Variants in POTEH observed in about 807,000 individuals in gnomAD.
POTEH encodes the protein POTE ankyrin domain family member H.
POTEH carries 6 observed loss-of-function variants against 41.7 expected under a neutral mutation model. The ratio of observed to expected loss-of-function variants is 0.14; its 90% CI spans 0.08 to 0.28. POTEH has a LOEUF of 0.28. Ranked by LOEUF, POTEH falls within the 10% of genes least tolerant of loss-of-function variation. The probability of loss-of-function intolerance (pLI) is 1.00; values close to 1 mark genes in which losing one functional copy is unlikely to be tolerated. For synonymous variants in POTEH, 38 were observed against 179.9 expected, an observed-to-expected ratio of 0.21 and a Z score of 6.31; for missense variants, 115 against 533.5, an observed-to-expected ratio of 0.22 and a Z score of 7.73.
chr22:15,709,066 ACCT>A (rs1419362906), intron 7 of POTEH, among the ~76,000 whole-genome samples: 174 of 149,734 alleles, frequency 1.2e-3, no homozygotes, highest in African/African-American at 4.2e-3. Context: ...GCAGAATGGG[ACCT>A]TTGGTGTTAG....
At chr22:15,695,900 A>T (rs535528740) in intron 3 of POTEH, 82 bp downstream of exon 3, 1 of 18,144 alleles carries the variant, frequency 5.5e-5, no homozygotes, top group African/African-American at 2.1e-4. Flanking sequence ...AGTTTTCCAT[A>T]TTTGGAAGCT....
chr22:15,720,861 GGT>G (rs1990007136), intron 10 of POTEH, among the ~76,000 whole-genome samples: 1 of 67,862 alleles, frequency 1.5e-5, no homozygotes, highest in Non-Finnish European at 2.8e-5. Context: ...CTCTTAGGAT[GGT>G]GTGGTTGATA....
At position 15,690,037 on chromosome 22, in the gene POTEH, T is replaced by C. The variant is rs1369819355; in HGVS notation, c.-41T>C. 7.2e-6 allele frequency: 10 copies of C among 1,396,704 alleles called. 3 individuals carry two copies. Among genetic ancestry groups the C allele is most frequent in the Non-Finnish European group, 9.9e-6 (10 of 1,007,432 alleles). 86.5% of individuals were successfully genotyped at this position (1,396,704 alleles called of 1,614,324 possible). ...TGGTGAAACTGGTTGGTAGACGCGA[T>C]CTGCTGGCTACTACCGGCCTTCCCT... On this transcript the variant is annotated 5_prime_UTR_variant, in exon 1 of 11. Transcript: ENST00000343518.
In POTEH at chr22:15,717,257, T is replaced by C. The variant is rs1296669158; in HGVS notation, c.1521-2403T>C. On this transcript the variant is annotated intron_variant, in intron 9 of 10. Coordinates refer to ENST00000343518, the MANE Select transcript of POTEH (RefSeq NM_001136213.1). ...ATTGTGAATTGTGCTGCAGTAAACA[T>C]ATGTGTGCGGGTGTCTTTGTGAGAG... Among the ~76,000 whole-genome samples, 2 of 91,974 alleles carry C rather than the reference T, an allele frequency of 2.2e-5. 1 individual carries two copies. Among genetic ancestry groups the C allele is most frequent in the African/African-American group, 6.7e-5 (2 of 29,656 alleles). The allele number at this position is 91,974 out of a possible 152,430, so 60.3% of individuals were successfully genotyped here. A position where few individuals can be genotyped will look rare whatever the true frequency, so the allele number is the denominator to read the frequency against.
intron 9 of POTEH, among the ~76,000 whole-genome samples, chr22:15,713,932 A>G (rs1989874705): frequency 6.6e-6 from 1 of 152,196 alleles, no homozygotes; most frequent in Admixed American, 6.5e-5. Context: ...AGACGTAGCT[A>G]CCTAATAAAT....
intron 9 of POTEH, among the ~76,000 whole-genome samples, 177 bp downstream of exon 9, chr22:15,711,211 A>C (rs1249375294): frequency 1.1e-4 from 16 of 152,076 alleles, no homozygotes; most frequent in African/African-American, 3.9e-4. Context: ...AAAAATAGCC[A>C]GTATTGGCAA....
rs201976973 is a variant in POTEH, at chr22:15,690,097, C to T, written c.20C>T (p.Ser7Leu). 54 of 1,401,972 alleles carry T rather than the reference C, an allele frequency of 3.9e-5. 3 individuals are homozygous for T. The highest frequency in any genetic ancestry group is 3.3e-4 in the Admixed American group (17 of 50,752). The allele number at this position is 1,401,972 out of a possible 1,614,324, so 86.8% of individuals were successfully genotyped here. A position where few individuals can be genotyped will look rare whatever the true frequency, so the allele number is the denominator to read the frequency against. Residue 7 changes from serine (S) to leucine (L), a missense_variant, in exon 1 of 11, where the codon TCA (serine) becomes TTA (leucine). Physicochemically the swap from Ser to Leu is moderately radical, Grantham distance 145. Transcript: ENST00000343518. The stretch of plus-strand genomic sequence containing the variant: ...AAGCAGATGGTGGCTGAGGCTGGTT[C>T]AATGCCGGCTGCCTCCTCTGTGAAG... Reference protein sequence around the residue: MVAEAGSMPAASSVKKP... With the variant: MVAEAGLMPAASSVKKP...
At chr22:15,692,001 T>A (rs79593966) in intron 1 of POTEH, among the ~76,000 whole-genome samples, 82 of 122,940 alleles carry the variant, frequency 6.7e-4, no homozygotes, top group African/African-American at 2.2e-3. Context: ...TATATATATA[T>A]ATATATAAAT....
At chr22:15,691,120 T>C (rs1989297709) in intron 1 of POTEH, among the ~76,000 whole-genome samples, 2 of 143,898 alleles carry the variant, frequency 1.4e-5, no homozygotes, top group African/African-American at 2.5e-5. Context: ...GTATGGATTT[T>C]ATATCAATGT....
chr22:15,713,710 G>A (rs1989868495), intron 9 of POTEH, among the ~76,000 whole-genome samples: 1 of 152,304 alleles, frequency 6.6e-6, no homozygotes, highest in Admixed American at 6.5e-5. Flanking sequence ...ATGTTGGCCA[G>A]GCTGGTCTCA....
At chr22:15,692,287 G>C (rs1989338782) in intron 1 of POTEH, among the ~76,000 whole-genome samples, 1 of 144,876 alleles carries the variant, frequency 6.9e-6, no homozygotes, top group African/African-American at 2.5e-5. Flanking sequence ...TTACAGGCGT[G>C]AGCCACCATG....
Position 15,690,143 on chromosome 22 carries a change from C to A in POTEH, c.66C>A (p.Ser22Arg), listed in dbSNP as rs757579059. 1.3e-5 allele frequency: 18 copies of A among 1,400,248 alleles called. 2 individuals carry two copies. Among genetic ancestry groups the A allele is most frequent in the Non-Finnish European group, 1.4e-5 (14 of 1,009,246 alleles). 86.7% of individuals were successfully genotyped at this position (1,400,248 alleles called of 1,614,324 possible). ...SSVKKPFGLR[S>R]KMGKWCRHCF... ...TGAAGAAGCCATTTGGTCTCAGAAGCAAGATGGGCAAGTGGTGCCGCCACT... is the reference window on the plus strand; with the variant it reads ...TGAAGAAGCCATTTGGTCTCAGAAGAAAGATGGGCAAGTGGTGCCGCCACT... Residue 22 changes from serine to arginine, a missense_variant, in exon 1 of 11, where the codon AGC becomes AGA. Transcript: ENST00000343518.
In POTEH at chr22:15,703,874, A is replaced by G. The variant is rs1989614380; in HGVS notation, c.1237+1118A>G. Among the ~76,000 whole-genome samples the G allele has an allele frequency of 3.3e-5, 4 of 122,562 alleles. No homozygotes were observed. The South Asian group carries it at 1.4e-3, about 42-fold the overall frequency. 80.4% of individuals were successfully genotyped at this position (122,562 alleles called of 152,430 possible). On this transcript the variant is annotated intron_variant, in intron 6 of 10. Coordinates refer to ENST00000343518, the MANE Select transcript of POTEH (RefSeq NM_001136213.1). ...TTTCTGTGCTTTTTCAACAGAATTT[A>G]CAAAGAAAACATTTCCATTTTCACT...
At chr22:15,692,741 T>G (rs1601494203) in intron 1 of POTEH, among the ~76,000 whole-genome samples, 1 of 122,424 alleles carries the variant, frequency 8.2e-6, no homozygotes, top group East Asian at 2.1e-4. Flanking sequence ...GGTGACAGAG[T>G]GAGACCCCAT....
At chr22:15,709,241 A>G (rs1989752728) in intron 7 of POTEH, among the ~76,000 whole-genome samples, 4 of 143,988 alleles carry the variant, frequency 2.8e-5, no homozygotes, top group Admixed American at 2.1e-4. Context: ...TATAATTTCA[A>G]TTAAAATGTA....
rs1440687968 is a variant in POTEH at position 15,717,089 on chromosome 22, C to T, written c.1521-2571C>T. On this transcript the variant is annotated intron_variant, in intron 9 of 10. Transcript: ENST00000343518. ...TTACCCAGTCTCGGGTATGTACATA[C>T]GTATATGTGTGAGTGTATATACACA... 5.0e-5 allele frequency among the ~76,000 whole-genome samples: 4 copies of T among 80,474 alleles called. 1 individual carries two copies. Among genetic ancestry groups the T allele is most frequent in the African/African-American group, 1.1e-4 (3 of 26,154 alleles). The allele number at this position is 80,474 out of a possible 152,430, so 52.8% of individuals were successfully genotyped here. A position where few individuals can be genotyped will look rare whatever the true frequency, so the allele number is the denominator to read the frequency against.
intron 1 of POTEH, among the ~76,000 whole-genome samples, chr22:15,691,820 T>C (rs373761278): frequency 0.045 from 5,964 of 132,932 alleles, 76 homozygotes; most frequent in East Asian, 0.093. Flanking sequence ...ATAATGGTGA[T>C]GTTTTGTATT....
At chr22:15,718,714 T>C (rs1373223493) in intron 9 of POTEH, among the ~76,000 whole-genome samples, 3 of 151,396 alleles carry the variant, frequency 2.0e-5, no homozygotes, top group Non-Finnish European at 3.0e-5. Flanking sequence ...TGACTTCCTC[T>C]TTTCCAATTT....
intron 9 of POTEH, among the ~76,000 whole-genome samples, 174 bp downstream of exon 9, chr22:15,711,208 G>T (rs1326463413): frequency 1.3e-5 from 2 of 152,162 alleles, no homozygotes; most frequent in East Asian, 3.9e-4. Flanking sequence ...TTGAAAAATA[G>T]CCAGTATTGG....
Sources: allele counts gnomAD v4.1 joint callset (sites outside exome capture counted in the v4.1 genomes callset), GRCh38; gene constraint gnomAD v4.1.1; transcripts MANE v1.5; gene names NCBI Gene and HGNC (gene_info 2026-07-23, HGNC 2026-07-21).